Variants in LDB2 observed in about 807,000 individuals in gnomAD.
LDB2 encodes LIM domain-binding protein 2.
In LDB2, 12 loss-of-function variants were observed where a neutral mutation model predicts 44.3. The ratio of observed to expected loss-of-function variants is 0.27; its 90% CI spans 0.17 to 0.44. The LOEUF (loss-of-function observed/expected upper bound fraction) is 0.44. Ranked by LOEUF, LDB2 falls within the 20% of genes least tolerant of loss-of-function variation. The probability of loss-of-function intolerance (pLI) is 1.00; values close to 1 mark genes in which losing one functional copy is unlikely to be tolerated. For synonymous variants in LDB2, 164 were observed against 174.8 expected (o/e 0.94, Z 0.49); for missense variants, 344 against 473.5 (o/e 0.73, Z 2.54).
At chr4:16,759,123 C>A (rs200849419) in intron 2 of LDB2, 35 bp downstream of exon 2, 2 of 1,457,908 alleles carry the variant, frequency 1.4e-6, no homozygotes, top group African/African-American at 2.8e-5. Context: ...AGGCACAAAA[C>A]GAGGTAATAT....
At chr4:16,752,324 A>G in intron 2 of LDB2, 1 of 393,992 alleles carries the variant, frequency 2.5e-6, no homozygotes, top group Non-Finnish European at 4.9e-6. Flanking sequence ...TTGCTCTCTG[A>G]GCAAAATGGG....
intron 2 of LDB2, among the ~76,000 whole-genome samples, chr4:16,707,881 T>A (rs2152651851): frequency 6.6e-6 from 1 of 152,298 alleles, no homozygotes; most frequent in Non-Finnish European, 1.5e-5. Flanking sequence ...ACTGACCTTT[T>A]ACAGAGGCCC....
intron 2 of LDB2, among the ~76,000 whole-genome samples, chr4:16,604,803 G>C (rs568998231): frequency 2.6e-5 from 4 of 151,974 alleles, no homozygotes; most frequent in African/African-American, 9.7e-5. Flanking sequence ...TTTAGAAAAC[G>C]ATTCATTAAT....
At chr4:16,549,250 A>T (rs980806584) in intron 5 of LDB2, among the ~76,000 whole-genome samples, 7 of 152,214 alleles carry the variant, frequency 4.6e-5, no homozygotes, top group African/African-American at 1.7e-4. Context: ...AGTGTTGATG[A>T]CAGGTTGACA....
chr4:16,821,703 T>C (rs528465610), intron 1 of LDB2, among the ~76,000 whole-genome samples: 2 of 138,044 alleles, frequency 1.4e-5, no homozygotes, highest in Non-Finnish European at 3.0e-5. Flanking sequence ...TATTTGAATT[T>C]TATCCTTGGT....
intron 2 of LDB2, among the ~76,000 whole-genome samples, chr4:16,757,990 G>GA (rs33916393): frequency 0.84 from 128,363 of 152,100 alleles, 54,804 homozygotes; most frequent in Middle Eastern, 0.93. Flanking sequence ...ACACAAACAT[G>GA]AGAGATGCGC....
intron 2 of LDB2, among the ~76,000 whole-genome samples, chr4:16,614,596 A>C (rs1258329222): frequency 6.6e-5 from 10 of 151,470 alleles, no homozygotes; most frequent in Non-Finnish European, 8.8e-5. Context: ...AAAAAAAAAA[A>C]AAAAACAAGC....
intron 1 of LDB2, among the ~76,000 whole-genome samples, chr4:16,864,244 A>G (rs1713840692): frequency 6.6e-6 from 1 of 152,172 alleles, no homozygotes; most frequent in Non-Finnish European, 1.5e-5. Context: ...CTATTCTACA[A>G]TTTTATTAGA....
At chr4:16,758,504 C>G (rs1261485857) in intron 2 of LDB2, among the ~76,000 whole-genome samples, 1 of 152,192 alleles carries the variant, frequency 6.6e-6, no homozygotes, top group Non-Finnish European at 1.5e-5. Flanking sequence ...GATAGCACAA[C>G]TAGCAAATCT....
chr4:16,513,436 T>G (rs1418581340), intron 5 of LDB2, among the ~76,000 whole-genome samples: 1 of 152,214 alleles, frequency 6.6e-6, no homozygotes, highest in African/African-American at 2.4e-5. Context: ...TAAGTCTGCC[T>G]TTACCACTAG....
chr4:16,634,968 AG>A (rs1477261603), intron 2 of LDB2, among the ~76,000 whole-genome samples: 6 of 152,228 alleles, frequency 3.9e-5, no homozygotes, highest in African/African-American at 1.4e-4. Context: ...GCCATAAAAA[AG>A]GATGAGTTCT....
chr4:16,714,768 C>A (rs1041912435), intron 2 of LDB2, among the ~76,000 whole-genome samples: 3 of 152,078 alleles, frequency 2.0e-5, no homozygotes, highest in East Asian at 1.9e-4. Context: ...CTGCTGGTAA[C>A]CCTTGGAGTT....
rs1028734343 is a variant in LDB2 at position 16,502,109 on chromosome 4, TAAAG to T, written c.*530_*533del. 1 of 151,806 alleles carries T rather than the reference TAAAG, an allele frequency of 6.6e-6. No individual in the cohort carries two copies. Among genetic ancestry groups the T allele is most frequent in the Non-Finnish European group, 1.5e-5 (1 of 68,314 alleles). The allele number at this position is 151,806 out of a possible 1,614,324, so 9.4% of individuals were successfully genotyped here. Reference sequence around the variant, plus strand: ...AGCTGTTGCCCAATGAAAGAAAACATAAAGAAAAAAAAAATAAGGTACATTTAAA... The same window carrying T: ...AGCTGTTGCCCAATGAAAGAAAACATAAAAAAAAAATAAGGTACATTTAAA... On this transcript the variant is annotated 3_prime_UTR_variant, in exon 8 of 8. Transcript: ENST00000304523.
chr4:16,666,219 A>G (rs1578606927), intron 2 of LDB2, among the ~76,000 whole-genome samples: 2 of 152,344 alleles, frequency 1.3e-5, no homozygotes, highest in Admixed American at 1.3e-4. Flanking sequence ...TCCACAGGAC[A>G]AGCTCGCACT....
At chr4:16,631,109 AC>A (rs1185360234) in intron 2 of LDB2, among the ~76,000 whole-genome samples, 3 of 152,146 alleles carry the variant, frequency 2.0e-5, no homozygotes, top group Non-Finnish European at 4.4e-5. Flanking sequence ...AGAATTCTCC[AC>A]CCCAAATCAA....
At chr4:16,896,609 T>A (rs1725095002) in intron 1 of LDB2, among the ~76,000 whole-genome samples, 1 of 152,192 alleles carries the variant, frequency 6.6e-6, no homozygotes, top group South Asian at 2.1e-4. Context: ...AGGTCATTTT[T>A]AAATATTGTT....
At chr4:16,700,788 C>CAA (rs1054167064) in intron 2 of LDB2, among the ~76,000 whole-genome samples, 14 of 152,106 alleles carry the variant, frequency 9.2e-5, no homozygotes, top group African/African-American at 3.4e-4. Flanking sequence ...AGTTTGAATA[C>CAA]AAAAACAATT....
At chr4:16,675,053 G>C (rs16893742) in intron 2 of LDB2, among the ~76,000 whole-genome samples, 1 of 152,026 alleles carries the variant, frequency 6.6e-6, no homozygotes, top group Non-Finnish European at 1.5e-5. Flanking sequence ...CTGTACCTTC[G>C]CAGTATCTTA....
At chr4:16,623,307 A>C (rs959458023) in intron 2 of LDB2, among the ~76,000 whole-genome samples, 2 of 152,206 alleles carry the variant, frequency 1.3e-5, no homozygotes, top group Non-Finnish European at 2.9e-5. Flanking sequence ...TTTAAAATAA[A>C]TGACTATCGG....
Sources: allele counts gnomAD v4.1 joint callset (sites outside exome capture counted in the v4.1 genomes callset), GRCh38; gene constraint gnomAD v4.1.1; transcripts MANE v1.5; gene names NCBI Gene and HGNC (gene_info 2026-07-23, HGNC 2026-07-21).